MAPRE2: variants seen among roughly 807,000 people sequenced by gnomAD.
MAPRE2 encodes microtubule-associated protein RP/EB family member 2.
A neutral mutation model predicts 43.2 loss-of-function variants in MAPRE2; 13 were observed. That is an observed-to-expected ratio of 0.30 (90% confidence interval 0.20 to 0.48). MAPRE2 has a LOEUF of 0.48. Ranked by LOEUF, MAPRE2 falls within the 20% of genes least tolerant of loss-of-function variation. MAPRE2 has a pLI of 0.99. For missense variants in MAPRE2, 161 were observed against 400.2 expected (o/e 0.40, Z 5.10); for synonymous variants, 135 against 148.8 (o/e 0.91, Z 0.68).
At chr18:34,980,023 C>CTTTTTTTTTTTTTTTTTTTT (rs1450524683) in intron 1 of MAPRE2, among the ~76,000 whole-genome samples, 6 of 132,500 alleles carry the variant, frequency 4.5e-5, no homozygotes, top group African/African-American at 1.8e-4. Context: ...TTTTCTTTTT[C>CTTTTTTTTTTTTTTTTTTTT]TTTTTTTCTT....
At chr18:35,111,475 T>C (rs1053676307) in intron 4 of MAPRE2, among the ~76,000 whole-genome samples, 2 of 152,224 alleles carry the variant, frequency 1.3e-5, no homozygotes, top group Non-Finnish European at 2.9e-5. Flanking sequence ...TCTTTATATG[T>C]CAAATAATTT....
chr18:35,053,607 C>T (rs1214501073), intron 1 of MAPRE2, among the ~76,000 whole-genome samples: 1 of 151,208 alleles, frequency 6.6e-6, no homozygotes, highest in Admixed American at 6.6e-5. Flanking sequence ...ACATTCTTTT[C>T]TTTGTATTGT....
At chr18:35,075,627 T>C (rs1233964642) in intron 2 of MAPRE2, among the ~76,000 whole-genome samples, 1 of 152,238 alleles carries the variant, frequency 6.6e-6, no homozygotes, top group African/African-American at 2.4e-5. Context: ...TTATTCATAC[T>C]TGTGATATAT....
chr18:35,137,571 A>G (rs1910443736), intron 6 of MAPRE2, among the ~76,000 whole-genome samples: 1 of 152,242 alleles, frequency 6.6e-6, no homozygotes, highest in African/African-American at 2.4e-5. Context: ...TCTAACATGC[A>G]CAGAAACAAT....
intron 1 of MAPRE2, among the ~76,000 whole-genome samples, chr18:34,998,323 CTTTTT>C: frequency 8.3e-6 from 1 of 120,736 alleles, no homozygotes; most frequent in Admixed American, 8.6e-5. Flanking sequence ...TTTTCTCTCT[CTTTTT>C]TTTTTTTTTT....
intron 1 of MAPRE2, among the ~76,000 whole-genome samples, chr18:35,062,927 C>T (rs1289436337): frequency 6.6e-6 from 1 of 152,008 alleles, no homozygotes; most frequent in Admixed American, 6.5e-5. Flanking sequence ...ATGTATTTAC[C>T]CTAAACTGTT....
intron 5 of MAPRE2, among the ~76,000 whole-genome samples, chr18:35,129,893 AG>A (rs1181116174): frequency 6.6e-6 from 1 of 152,182 alleles, no homozygotes; most frequent in Non-Finnish European, 1.5e-5. Context: ...GGTCTTTGTG[AG>A]GGGGACTATG....
intron 1 of MAPRE2, among the ~76,000 whole-genome samples, chr18:35,060,464 C>T (rs1325654368): frequency 1.3e-5 from 2 of 152,122 alleles, no homozygotes; most frequent in Non-Finnish European, 2.9e-5. Context: ...CATTTCTGAC[C>T]ATATGAAGAA....
At chr18:35,091,103 G>T (rs184139276) in intron 2 of MAPRE2, among the ~76,000 whole-genome samples, 147 of 152,212 alleles carry the variant, frequency 9.7e-4, no homozygotes, top group Non-Finnish European at 1.5e-3. Context: ...TTTATGGATT[G>T]GAAAAATCAA....
At chr18:34,978,272 TA>T in intron 1 of MAPRE2, 1 of 574,386 alleles carries the variant, frequency 1.7e-6, no homozygotes. Flanking sequence ...AAGAGGTCAC[TA>T]AAAATACTAT....
intron 5 of MAPRE2, among the ~76,000 whole-genome samples, chr18:35,130,017 C>G (rs1910076244): frequency 6.6e-6 from 1 of 152,178 alleles, no homozygotes; most frequent in Non-Finnish European, 1.5e-5. Context: ...TGGAATATCA[C>G]TGAAGCCTGA....
At chr18:35,098,039 A>C (rs1032630032) in intron 3 of MAPRE2, among the ~76,000 whole-genome samples, 1 of 152,182 alleles carries the variant, frequency 6.6e-6, no homozygotes, top group African/African-American at 2.4e-5. Flanking sequence ...AAAACCCCTT[A>C]TTCATGGTTA....
intron 2 of MAPRE2, among the ~76,000 whole-genome samples, chr18:35,027,591 A>G (rs2097045914): frequency 6.6e-6 from 1 of 152,228 alleles, no homozygotes; most frequent in Non-Finnish European, 1.5e-5. Context: ...AGCCAAGCCC[A>G]GTCAACCTCC....
rs112145912 is a variant in MAPRE2 at position 35,106,591 on chromosome 18, G to A, written c.610+4432G>A. Among the ~76,000 whole-genome samples, 185 of 152,186 alleles carry A rather than the reference G, an allele frequency of 1.2e-3. 1 individual carries two copies. Among genetic ancestry groups the A allele is most frequent in the African/African-American group, 4.3e-3 (179 of 41,548 alleles). ...AATAGATACATTCTAAATACTTGGT[G>A]CATCCTGTTTTTTTAAGAACATGCT... On this transcript the variant is annotated intron_variant, in intron 4 of 6. Coordinates refer to ENST00000300249, the MANE Select transcript of MAPRE2 (RefSeq NM_014268.4).
At position 35,140,556 on chromosome 18, in the gene MAPRE2, A is replaced by G; in HGVS notation, c.*187A>G. The G allele has an allele frequency of 1.7e-6, 1 of 600,446 alleles. No homozygotes were observed. Among genetic ancestry groups the G allele is most frequent in the Non-Finnish European group, 2.9e-6 (1 of 344,858 alleles). The allele number at this position is 600,446 out of a possible 1,614,324, so 37.2% of individuals were successfully genotyped here. On this transcript the variant is annotated 3_prime_UTR_variant, in exon 7 of 7. Transcript: ENST00000300249. ...TTTCTTTGCCAAGGTGTATTAGCGG[A>G]CGGCCCTCTGGCCACCTACCCGAGA...
At chr18:35,045,882 A>G (rs1284337695) in intron 1 of MAPRE2, among the ~76,000 whole-genome samples, 1 of 152,164 alleles carries the variant, frequency 6.6e-6, no homozygotes, top group Admixed American at 6.5e-5. Flanking sequence ...AGATTACTTG[A>G]TGCTTTAGTA....
intron 1 of MAPRE2, among the ~76,000 whole-genome samples, chr18:34,990,216 T>TA (rs1450358284): frequency 1.3e-5 from 2 of 152,194 alleles, no homozygotes; most frequent in African/African-American, 2.4e-5. Flanking sequence ...GTCTTTCTTA[T>TA]AAAAAACATG....
Position 35,129,255 on chromosome 18 carries a change from C to T in MAPRE2, c.750+2168C>T, listed in dbSNP as rs115273295. On this transcript the variant is annotated intron_variant, in intron 5 of 6. Transcript: ENST00000300249. ...ATTTATATCCGTGGTTCACTGTTGA[C>T]GTTCCCTCCTTTTTCTGTCTTGGAG... Among the ~76,000 whole-genome samples the T allele has an allele frequency of 8.2e-3, 1,249 of 152,276 alleles. 16 individuals are homozygous for T. The highest frequency in any genetic ancestry group is 0.029 in the African/African-American group (1,196 of 41,558).
intron 2 of MAPRE2, among the ~76,000 whole-genome samples, chr18:35,027,669 G>A (rs1007290760): frequency 1.3e-5 from 2 of 152,170 alleles, no homozygotes; most frequent in African/African-American, 4.8e-5. Context: ...AGTCACAATA[G>A]AGAACCAACA....
Sources: gnomAD v4.1 joint callset for allele counts (sites outside exome capture counted in the v4.1 genomes callset) on GRCh38, gnomAD v4.1.1 for gene constraint, MANE v1.5 for transcripts, NCBI Gene and HGNC (gene_info 2026-07-23, HGNC 2026-07-21) for gene names.